Variants in MON1A observed in about 807,000 individuals in gnomAD.
MON1A encodes the protein vacuolar fusion protein MON1 homolog A.
A neutral mutation model predicts 44.6 loss-of-function variants in MON1A; 29 were observed. The ratio of observed to expected loss-of-function variants is 0.65; its 90% confidence interval spans 0.48 to 0.89. The LOEUF is 0.89. Among genes scored for constraint, MON1A ranks in the 40% least tolerant of loss-of-function variants. MON1A has a pLI of 0.00. For missense variants in MON1A, 615 were observed against 759.6 expected, an observed-to-expected ratio of 0.81 and a Z score of 2.24; for synonymous variants, 275 against 316.4, an observed-to-expected ratio of 0.87 and a Z score of 1.39.
In MON1A at chr3:49,910,086, C is replaced by T. The variant is rs1460931592; in HGVS notation, c.1379+33G>A. 7 of 1,544,738 alleles carry T rather than the reference C, an allele frequency of 4.5e-6. No individual in the cohort carries two copies. The South Asian group carries it at 5.0e-5, about 11-fold the overall frequency. On this transcript the variant is annotated intron_variant, in intron 4 of 5. Coordinates refer to ENST00000296473, the MANE Select transcript of MON1A (RefSeq NM_032355.4). The surrounding 1 kb of genome is among the most constrained non-coding windows in gnomAD (Gnocchi z 8.0). Reference sequence around the variant, plus strand: ...CTCCCGACTCCACATGTCCCTGTCCCGCTACAGCAGTGCCCTCAAGGCCCT... The same window carrying T: ...CTCCCGACTCCACATGTCCCTGTCCTGCTACAGCAGTGCCCTCAAGGCCCT...
chr3:49,919,101 T>C (rs1441398841), intron 1 of MON1A, among the ~76,000 whole-genome samples: 1 of 152,192 alleles, frequency 6.6e-6, no homozygotes, highest in African/African-American at 2.4e-5. Context: ...GAGAATCACC[T>C]GATCCCAGGA....
chr3:49,910,453 A>T lies in MON1A; in HGVS notation c.1045T>A (p.Phe349Ile). ...GACGAGGAGGAACTAATGAGGTTGA[A>T]GAGCAGGTGCAGGTCGATGGGGTGC... The part of the protein sequence containing the change: ...FLHPIDLHLL[F>I]NLISSSSSFR... Residue 349 changes from phenylalanine (F) to isoleucine (I), a missense_variant, in exon 4 of 6, where the codon TTC becomes ATC. Physicochemically the swap from Phe to Ile is conservative, Grantham distance 21 (BLOSUM62 0). Coordinates refer to ENST00000296473, the MANE Select transcript of MON1A (RefSeq NM_032355.4). The surrounding 1 kb of genome is among the most constrained non-coding windows in gnomAD (Gnocchi z 8.0). The T allele has an allele frequency of 6.2e-7, 1 of 1,614,228 alleles. No individual in the cohort carries two copies. The highest frequency in any genetic ancestry group is 8.5e-7 in the Non-Finnish European group (1 of 1,180,038).
intron 1 of MON1A, among the ~76,000 whole-genome samples, chr3:49,917,691 A>AT (rs2082957504): frequency 6.6e-6 from 1 of 152,114 alleles, no homozygotes; most frequent in East Asian, 1.9e-4. Context: ...TGATGGTCAT[A>AT]CTCAGCACTA....
In MON1A at chr3:49,912,954, G is replaced by A. The variant is rs144228669; in HGVS notation, c.127+266C>T. 9 of 575,258 alleles carry A rather than the reference G, an allele frequency of 1.6e-5. No homozygotes were observed. The Middle Eastern group carries it at 9.1e-4, about 58-fold the overall frequency. 35.6% of individuals were successfully genotyped at this position (575,258 alleles called of 1,614,324 possible). On this transcript the variant is annotated intron_variant, in intron 2 of 5. Transcript: ENST00000296473. ...ACTCGTGAGGAGGGGAGAAGGAGCC[G>A]GGGAGGTGCGCTGTAGACACAGGGA...
chr3:49,916,223 T>TA (rs1341036483), intron 1 of MON1A, among the ~76,000 whole-genome samples: 1 of 152,142 alleles, frequency 6.6e-6, no homozygotes, highest in African/African-American at 2.4e-5. Context: ...AAGTAGGTGT[T>TA]CAAAAAAGTT....
At chr3:49,926,651 G>A (rs2083053911) in intron 1 of MON1A, among the ~76,000 whole-genome samples, 1 of 152,002 alleles carries the variant, frequency 6.6e-6, no homozygotes, top group Admixed American at 6.6e-5. Context: ...TTGTAGAGAT[G>A]GGGTCTCAGT....
Position 49,910,628 on chromosome 3 carries a change from C to A in MON1A, c.870G>T (p.Met290Ile). Residue 290 changes from methionine (M) to isoleucine (I), a missense_variant, in exon 4 of 6, where the codon ATG becomes ATT. Transcript: ENST00000296473. This position sits in a 1 kb window ranked among gnomAD's most constrained non-coding sequence, Gnocchi z 8.0. ...QLMARDPSFL[M>I]GAARCLPLAA... Reference sequence around the variant, plus strand: ...CCAGGGGCAGGCACCGTGCCGCCCCCATCAGGAAGCTGGGGTCTCGTGCCA... The same window carrying A: ...CCAGGGGCAGGCACCGTGCCGCCCCAATCAGGAAGCTGGGGTCTCGTGCCA... 6.2e-7 allele frequency: 1 copy of A among 1,603,242 alleles called. No homozygotes were observed. Among genetic ancestry groups the A allele is most frequent in the African/African-American group, 1.3e-5 (1 of 74,810 alleles).
At chr3:49,920,745 G>A (rs1189853450) in intron 1 of MON1A, 3 of 152,166 alleles carry the variant, frequency 2.0e-5, no homozygotes, top group African/African-American at 7.2e-5. Flanking sequence ...GGCTGAGGCA[G>A]GAGAATTGTT....
At position 49,910,618 on chromosome 3, in the gene MON1A, G is replaced by C. The variant is rs1205151663; in HGVS notation, c.880C>G (p.Arg294Gly). The C allele has an allele frequency of 3.1e-6, 5 of 1,602,696 alleles. No individual in the cohort carries two copies. Among genetic ancestry groups the C allele is most frequent in the Non-Finnish European group, 4.3e-6 (5 of 1,173,818 alleles). The part of the protein sequence containing the change: ...RDPSFLMGAA[R>G]CLPLAAAVRD... ...ACGGCCGCCGCCAGGGGCAGGCACC[G>C]TGCCGCCCCCATCAGGAAGCTGGGG... Residue 294 changes from arginine (R) to glycine (G), a missense_variant, in exon 4 of 6, where the codon CGG (arginine) becomes GGG (glycine). Coordinates refer to ENST00000296473, the MANE Select transcript of MON1A (RefSeq NM_032355.4). This position sits in a 1 kb window ranked among gnomAD's most constrained non-coding sequence, Gnocchi z 8.0.
rs1373117211 is a variant in MON1A, at chr3:49,911,223, T to C, written c.613+303A>G. Among the ~76,000 whole-genome samples, 2 of 151,660 alleles carry C rather than the reference T, an allele frequency of 1.3e-5. No individual in the cohort carries two copies. The highest frequency in any genetic ancestry group is 2.9e-5 in the Non-Finnish European group (2 of 67,920). On this transcript the variant is annotated intron_variant, in intron 3 of 5. Coordinates refer to ENST00000296473, the MANE Select transcript of MON1A (RefSeq NM_032355.4). This position sits in a 1 kb window ranked among gnomAD's most constrained non-coding sequence, Gnocchi z 5.7. ...ATAGATAGATAGATAGATAGATAGA[T>C]AGATAGATAGATAGATAGATAGAGT...
intron 1 of MON1A, among the ~76,000 whole-genome samples, chr3:49,924,327 A>G (rs1223532470): frequency 1.3e-5 from 2 of 152,186 alleles, no homozygotes; most frequent in Non-Finnish European, 1.5e-5. Flanking sequence ...GCGACTTTGC[A>G]TACTCCCTTT....
At position 49,913,980 on chromosome 3, in the gene MON1A, A is replaced by G. The variant is rs1363635098; in HGVS notation, c.-13-621T>C. 4.6e-5 allele frequency among the ~76,000 whole-genome samples: 7 copies of G among 151,484 alleles called. No homozygotes were observed. The South Asian group carries it at 1.3e-3, about 27-fold the overall frequency. ...ACTCTGTTGCCAAGGCTGGAGTGCA[A>G]TGGCACCAACACAGCTCACTGCAGC... is the stretch of plus-strand genomic sequence containing the variant. On this transcript the variant is annotated intron_variant, in intron 1 of 5. Coordinates refer to ENST00000296473, the MANE Select transcript of MON1A (RefSeq NM_032355.4).
At chr3:49,927,430 A>T (rs937052564) in intron 1 of MON1A, among the ~76,000 whole-genome samples, 1 of 152,220 alleles carries the variant, frequency 6.6e-6, no homozygotes, top group Non-Finnish European at 1.5e-5. Context: ...CATTCAGTCC[A>T]TGTGTGACTG....
At position 49,910,653 on chromosome 3, in the gene MON1A, A is replaced by G; in HGVS notation, c.845T>C (p.Met282Thr). 2.5e-6 allele frequency: 4 copies of G among 1,606,268 alleles called. No homozygotes were observed. Among genetic ancestry groups the G allele is most frequent in the East Asian group, 4.5e-5 (2 of 44,540 alleles). ...ERITDNLLQL[M>T]ARDPSFLMGA... The stretch of plus-strand genomic sequence containing the variant: ...CATCAGGAAGCTGGGGTCTCGTGCC[A>G]TGAGCTGCAGCAGGTTGTCGGTGAT... Residue 282 changes from methionine (M) to threonine (T), a missense_variant, in exon 4 of 6, where the codon ATG becomes ACG. By Grantham distance (81) the Met-to-Thr change is moderately conservative (BLOSUM62 -1). Coordinates refer to ENST00000296473, the MANE Select transcript of MON1A (RefSeq NM_032355.4). The surrounding 1 kb of genome is among the most constrained non-coding windows in gnomAD (Gnocchi z 8.0).
chr3:49,917,325 G>A (rs1358203016), intron 1 of MON1A, among the ~76,000 whole-genome samples: 2 of 150,966 alleles, frequency 1.3e-5, no homozygotes, highest in African/African-American at 2.4e-5. Flanking sequence ...TGGCTCTGTC[G>A]CCCAGGCTGG....
chr3:49,922,721 G>C (rs533568049), intron 1 of MON1A, among the ~76,000 whole-genome samples: 1 of 148,412 alleles, frequency 6.7e-6, no homozygotes, highest in South Asian at 2.1e-4. Context: ...TTTTTTTTGA[G>C]ACAGTCTTGC....
At chr3:49,919,147 C>A (rs920509375) in intron 1 of MON1A, among the ~76,000 whole-genome samples, 7 of 152,152 alleles carry the variant, frequency 4.6e-5, no homozygotes, top group Admixed American at 3.9e-4. Flanking sequence ...CACACCACTG[C>A]ACTCCAGCCT....
In MON1A at chr3:49,909,320, G is replaced by C. The variant is rs905426814; in HGVS notation, c.1460C>G (p.Ala487Gly). 5 of 1,613,966 alleles carry C rather than the reference G, an allele frequency of 3.1e-6. No homozygotes were observed. In the African/African-American group the frequency reaches 6.7e-5, roughly 22 times the overall value. ...CTTGAGTGGGCGAGAGGCATTGTGG[G>C]CACGACTGTGCAAGTACTGGTAGAG... ...LGLYQYLHSR[A>G]HNASRPLKTI... Residue 487 changes from alanine to glycine, a missense_variant, in exon 5 of 6, where the codon GCC becomes GGC. By Grantham distance (60) the Ala-to-Gly change is moderately conservative. Transcript: ENST00000296473. This position sits in a 1 kb window ranked among gnomAD's most constrained non-coding sequence, Gnocchi z 4.0.
rs1212767937 is a variant in MON1A at position 49,910,267 on chromosome 3, G to A, written c.1231C>T (p.Arg411Cys). 16 of 1,613,962 alleles carry A rather than the reference G, an allele frequency of 9.9e-6. No homozygotes were observed. The highest frequency in any genetic ancestry group is 4.0e-5 in the African/African-American group (3 of 74,950). The change falls in exon 4 of 6, where the codon CGC becomes TGC. Residue 411 changes from arginine (R) to cysteine (C), a missense_variant. By Grantham distance (180) the Arg-to-Cys change is radical. Transcript: ENST00000296473. The surrounding 1 kb of genome is among the most constrained non-coding windows in gnomAD (Gnocchi z 8.0). Reference sequence around the variant, plus strand: ...TTGCGAAGGCGCTCCTGGAAGCGGCGGCGGCAGTCAGAGACTGCAAAGAAG... The same window carrying A: ...TTGCGAAGGCGCTCCTGGAAGCGGCAGCGGCAGTCAGAGACTGCAAAGAAG... ...EDFFAVSDCR[R>C]RFQERLRKRG...
Sources: gnomAD v4.1 joint callset for allele counts (sites outside exome capture counted in the v4.1 genomes callset) on GRCh38, gnomAD v4.1.1 for gene constraint, Gnocchi (gnomAD v3.1) non-coding constraint, MANE v1.5 for transcripts, NCBI Gene and HGNC (gene_info 2026-07-23, HGNC 2026-07-21) for gene names.